The following EIF3B variants were observed in gnomAD, a reference collection of about 807,000 sequenced individuals.
The protein encoded by EIF3B is eukaryotic translation initiation factor 3 subunit 9.
Under a neutral mutation model 104.6 loss-of-function variants are expected in EIF3B, and 10 were observed. The ratio of observed to expected loss-of-function variants is 0.10; its 90% CI spans 0.06 to 0.16. EIF3B has a LOEUF of 0.16. Ranked by LOEUF, EIF3B falls within the 10% of genes least tolerant of loss-of-function variation. EIF3B has a pLI of 1.00. For missense variants in EIF3B, 1,014 were observed against 1,087.9 expected, an observed-to-expected ratio of 0.93 and a Z score of 0.96; for synonymous variants, 542 against 417.2, an observed-to-expected ratio of 1.30 and a Z score of -3.65.
Position 2,354,896 on chromosome 7 carries a change from C to T in EIF3B, c.-26C>T, listed in dbSNP as rs376125182. ...AGTCGGAAGCGCGGCGGCCGCGGAGCCCTGCGAGTAGGCAGCGTTGGGCCC... is the reference window on the plus strand; with the variant it reads ...AGTCGGAAGCGCGGCGGCCGCGGAGTCCTGCGAGTAGGCAGCGTTGGGCCC... On this transcript the variant is annotated 5_prime_UTR_variant, in exon 1 of 19. Transcript: ENST00000360876. The T allele has an allele frequency of 2.5e-3, 2,891 of 1,174,728 alleles. 4 individuals are homozygous for T. The highest frequency in any genetic ancestry group is 2.9e-3 in the Non-Finnish European group (2,740 of 951,704). 72.8% of individuals were successfully genotyped at this position (1,174,728 alleles called of 1,614,324 possible).
chr7:2,364,918 C>T (rs947827008), intron 6 of EIF3B, among the ~76,000 whole-genome samples: 4 of 152,322 alleles, frequency 2.6e-5, no homozygotes, highest in Non-Finnish European at 2.9e-5. Context: ...ATAATACTTA[C>T]TTTCCTTCAG....
rs190269292 is a variant in EIF3B at position 2,367,185 on chromosome 7, G to C, written c.1403+140G>C. ...TCTTTCTCCCAGTTCTGGAGCTTGG[G>C]AGCTTGAGGTCAGGGTGCCTGCAGA... is the stretch of plus-strand genomic sequence containing the variant. On this transcript the variant is annotated intron_variant, in intron 9 of 18. Transcript: ENST00000360876. 7.0e-4 allele frequency: 566 copies of C among 803,228 alleles called. 3 individuals are homozygous for C. Among genetic ancestry groups the C allele is most frequent in the Admixed American group, 3.2e-3 (116 of 36,090 alleles). 49.8% of individuals were successfully genotyped at this position (803,228 alleles called of 1,614,324 possible).
intron 10 of EIF3B, among the ~76,000 whole-genome samples, 174 bp downstream of exon 10, chr7:2,369,856 A>C (rs533688641): frequency 9.0e-4 from 118 of 130,794 alleles, no homozygotes; most frequent in African/African-American, 3.5e-3. Flanking sequence ...GGCTCACTGC[A>C]GTCTCTGCCT....
At chr7:2,374,891 T>C in intron 13 of EIF3B, 1 of 360,178 alleles carries the variant, frequency 2.8e-6, no homozygotes, top group Non-Finnish European at 5.0e-6. Context: ...AACAAGTGCC[T>C]TCCAGCCATC....
rs779435965 is a variant in EIF3B at position 2,355,419 on chromosome 7, A to T, written c.498A>T (p.Glu166Asp). 21 of 1,446,902 alleles carry T rather than the reference A, an allele frequency of 1.5e-5. No individual in the cohort carries two copies. In the Admixed American group the frequency reaches 5.1e-4, roughly 35 times the overall value. 89.6% of individuals were successfully genotyped at this position (1,446,902 alleles called of 1,614,324 possible). The change falls in exon 1 of 19, where the codon GAA (glutamate) becomes GAT (aspartate). Residue 166 changes from glutamate to aspartate, a missense_variant and splice_region_variant. This residue lies in a region of EIF3B where 488 missense variants were observed against 404.3 expected (regional missense o/e 1.21). Coordinates refer to ENST00000360876, the MANE Select transcript of EIF3B (RefSeq NM_001037283.2). ...ACTTCGTGGACGACGTGAGCGAGGA[A>T]GGTGAGGGCGCCCGGGGCGGGGCTG... ...PEDFVDDVSE[E>D]ELLGDVLKDR...
chr7:2,355,163 C>G lies in EIF3B; in HGVS notation c.242C>G (p.Ser81Cys). 2 of 1,454,334 alleles carry G rather than the reference C, an allele frequency of 1.4e-6. No homozygotes were observed. The highest frequency in any genetic ancestry group is 5.9e-5 in the East Asian group (2 of 33,810). The allele number at this position is 1,454,334 out of a possible 1,614,324, so 90.1% of individuals were successfully genotyped here. A position where few individuals can be genotyped will look rare whatever the true frequency, so the allele number is the denominator to read the frequency against. ...GAGGCAGAGGCGGCCTCCGGCCCGT[C>G]CGAGTCGCCCTCGCCGCCGGCCGCC... ...AAEAEAASGP[S>C]ESPSPPAAEE... is the part of the protein sequence containing the mutation. The change falls in exon 1 of 19, where the codon TCC becomes TGC. Residue 81 changes from serine to cysteine, a missense_variant. Physicochemically the swap from Ser to Cys is moderately radical, Grantham distance 112. Around this residue, in one of 4 missense-constraint regions of EIF3B, gnomAD observed 488 missense variants for 404.3 expected, o/e 1.21. Coordinates refer to ENST00000360876, the MANE Select transcript of EIF3B (RefSeq NM_001037283.2).
chr7:2,370,096 T>A (rs1379700048), intron 10 of EIF3B, among the ~76,000 whole-genome samples: 1 of 152,214 alleles, frequency 6.6e-6, no homozygotes, highest in Non-Finnish European at 1.5e-5. Flanking sequence ...ATTTTCTTTC[T>A]AAGCACAAGG....
chr7:2,380,325 C>T lies in EIF3B; in HGVS notation c.*136C>T, dbSNP rs1404865235. 6 of 517,922 alleles carry T rather than the reference C, an allele frequency of 1.2e-5. No homozygotes were observed. The highest frequency in any genetic ancestry group is 2.8e-5 in the South Asian group (2 of 71,364). 32.1% of individuals were successfully genotyped at this position (517,922 alleles called of 1,614,324 possible). ...GCCGAGGCCGTCCTGCAGGAAGCCG[C>T]GTGACTCCCGCCTCCTCCCTGTGCT... is the stretch of plus-strand genomic sequence containing the variant. On this transcript the variant is annotated 3_prime_UTR_variant, in exon 19 of 19. Coordinates refer to ENST00000360876, the MANE Select transcript of EIF3B (RefSeq NM_001037283.2).
intron 11 of EIF3B, 130 bp downstream of exon 11, chr7:2,371,979 C>T: frequency 2.8e-6 from 2 of 725,660 alleles, no homozygotes; most frequent in Non-Finnish European, 5.0e-6. Context: ...CATGAATAGT[C>T]ATCTCCAGGT....
In EIF3B at chr7:2,366,305, C is replaced by T; in HGVS notation, c.1158-12C>T. Reference sequence around the variant, plus strand: ...GAGGAGGATAGTGTACAGTGTTGCCCTTCTCTTCTAGGTACCTGGTGACCT... The same window carrying T: ...GAGGAGGATAGTGTACAGTGTTGCCTTTCTCTTCTAGGTACCTGGTGACCT... On this transcript the variant is annotated splice_polypyrimidine_tract_variant and intron_variant, in intron 6 of 18. Coordinates refer to ENST00000360876, the MANE Select transcript of EIF3B (RefSeq NM_001037283.2). 1.9e-6 allele frequency: 3 copies of T among 1,595,270 alleles called. No individual in the cohort carries two copies. The highest frequency in any genetic ancestry group is 1.1e-5 in the South Asian group (1 of 87,662).
rs748044149 is a variant in EIF3B at position 2,374,535 on chromosome 7, C to T, written c.1818C>T (p.Phe606=). The change falls in exon 13 of 19, where the codon TTC becomes TTT. Residue 606 remains phenylalanine (F), a synonymous_variant. Coordinates refer to ENST00000360876, the MANE Select transcript of EIF3B (RefSeq NM_001037283.2). ...CGCGCTCTTTCCTTTCAGAGATGTT[C>T]GACAAGCAGCAGGCGAACACCATCT... The part of the protein sequence containing the change: ...NNGKIELIKM[F]DKQQANTIFW... 2.4e-5 allele frequency: 39 copies of T among 1,613,816 alleles called. No individual in the cohort carries two copies. In the Middle Eastern group the frequency reaches 4.9e-4, roughly 20 times the overall value.
rs1224310037 is a variant in EIF3B, at chr7:2,374,751, A to C, written c.1889+145A>C. On this transcript the variant is annotated intron_variant, in intron 13 of 18. Coordinates refer to ENST00000360876, the MANE Select transcript of EIF3B (RefSeq NM_001037283.2). Reference sequence around the variant, plus strand: ...CCCCAGTGTCAGTGGATAGGACTTCATTGAACCTCTGCAGACCCACGGTAC... The same window carrying C: ...CCCCAGTGTCAGTGGATAGGACTTCCTTGAACCTCTGCAGACCCACGGTAC... 4.3e-6 allele frequency: 3 copies of C among 700,568 alleles called. No homozygotes were observed. The African/African-American group carries it at 5.4e-5, about 13-fold the overall frequency. The allele number at this position is 700,568 out of a possible 1,614,324, so 43.4% of individuals were successfully genotyped here.
rs1396683488 is a variant in EIF3B at position 2,364,472 on chromosome 7, A to G, written c.1100A>G (p.Gln367Arg). 1 of 1,613,160 alleles carries G rather than the reference A, an allele frequency of 6.2e-7. No individual in the cohort carries two copies. Among genetic ancestry groups the G allele is most frequent in the Non-Finnish European group, 8.5e-7 (1 of 1,179,732 alleles). Residue 367 changes from glutamine (Q) to arginine (R), a missense_variant, in exon 6 of 19, where the codon CAA becomes CGA. By Grantham distance (43) the Gln-to-Arg change is conservative. Coordinates refer to ENST00000360876, the MANE Select transcript of EIF3B (RefSeq NM_001037283.2). The stretch of plus-strand genomic sequence containing the variant: ...CTATGGGGGGGAGAGAAATTCAAGC[A>G]AATTCAGAGATTCAGCCACCAAGGG... ...IALWGGEKFKQIQRFSHQGVQ... is the reference protein window; with the variant it reads ...IALWGGEKFKRIQRFSHQGVQ...
At chr7:2,372,522 T>A (rs1387094839) in intron 11 of EIF3B, 151 bp from the exon 12 acceptor site, 1 of 928,716 alleles carries the variant, frequency 1.1e-6, no homozygotes, top group Non-Finnish European at 1.6e-6. Flanking sequence ...ATGTGCACCT[T>A]TCCTGCTGTT....
intron 16 of EIF3B, 93 bp downstream of exon 16, chr7:2,378,859 G>C: frequency 1.7e-6 from 2 of 1,150,662 alleles, no homozygotes; most frequent in Non-Finnish European, 2.6e-6. Context: ...TGTGCTCAGA[G>C]TTGCCTCTGC....
chr7:2,378,908 C>G, intron 16 of EIF3B, 142 bp downstream of exon 16: 1 of 818,460 alleles, frequency 1.2e-6, no homozygotes, highest in East Asian at 2.7e-5. Context: ...AGGAGGGATG[C>G]ACTGGGGAAC....
intron 6 of EIF3B, 130 bp downstream of exon 6, chr7:2,364,659 C>CT: frequency 1.2e-6 from 1 of 810,566 alleles, no homozygotes; most frequent in African/African-American, 1.8e-5. Flanking sequence ...CGCTAATAAG[C>CT]TTTTTACTGA....
chr7:2,360,722 A>G lies in EIF3B; in HGVS notation c.512A>G (p.Asp171Gly), dbSNP rs1779681999. 1 of 1,586,686 alleles carries G rather than the reference A, an allele frequency of 6.3e-7. No individual in the cohort carries two copies. The highest frequency in any genetic ancestry group is 1.1e-5 in the South Asian group (1 of 89,370). Residue 171 changes from aspartate (D) to glycine (G), a missense_variant, in exon 2 of 19, where the codon GAT (aspartate) becomes GGT (glycine). Physicochemically the swap from Asp to Gly is moderately conservative, Grantham distance 94. This residue lies in a region of EIF3B where 488 missense variants were observed against 404.3 expected (regional missense o/e 1.21). Coordinates refer to ENST00000360876, the MANE Select transcript of EIF3B (RefSeq NM_001037283.2). ...CTCTCTTGTTCAGAATTACTGGGAG[A>G]TGTACTCAAAGATCGGCCCCAGGAA... ...DDVSEEELLG[D>G]VLKDRPQEAD... is the part of the protein sequence containing the mutation.
chr7:2,363,503 C>G lies in EIF3B; in HGVS notation c.871-129C>G, dbSNP rs1779852907. On this transcript the variant is annotated intron_variant, in intron 4 of 18. Coordinates refer to ENST00000360876, the MANE Select transcript of EIF3B (RefSeq NM_001037283.2). Reference sequence around the variant, plus strand: ...AAAGAAATGCTAGACGGTGTCTTGACTTGAGGTTAGGGTGTGACTTGGGAG... The same window carrying G: ...AAAGAAATGCTAGACGGTGTCTTGAGTTGAGGTTAGGGTGTGACTTGGGAG... 3 of 828,690 alleles carry G rather than the reference C, an allele frequency of 3.6e-6. No homozygotes were observed. In the East Asian group the frequency reaches 8.1e-5, roughly 22 times the overall value. 51.3% of individuals were successfully genotyped at this position (828,690 alleles called of 1,614,324 possible).
Sources: gnomAD v4.1 joint callset for allele counts (sites outside exome capture counted in the v4.1 genomes callset) on GRCh38, gnomAD v4.1.1 for gene constraint, gnomAD v4.1.1 regional missense constraint, MANE v1.5 for transcripts, NCBI Gene and HGNC (gene_info 2026-07-23, HGNC 2026-07-21) for gene names.